COL25A1: variants seen among roughly 807,000 people sequenced by gnomAD.
The protein encoded by COL25A1 is collagen alpha-1(XXV) chain.
Under a neutral mutation model 128.4 loss-of-function variants are expected in COL25A1, and 103 were observed. The observed-to-expected ratio is 0.80, with a 90% CI of 0.68 to 0.94. The LOEUF (loss-of-function observed/expected upper bound fraction) is 0.94. Among genes scored for constraint, COL25A1 ranks in the 40% least tolerant of loss-of-function variants. COL25A1 has a pLI of 0.00. For missense variants in COL25A1, 745 were observed against 840.0 expected (o/e 0.89, Z 1.40); for synonymous variants, 279 against 277.2 (o/e 1.01, Z -0.06).
chr4:108,982,922 G>C (rs905293091), intron 6 of COL25A1, among the ~76,000 whole-genome samples: 1 of 152,142 alleles, frequency 6.6e-6, no homozygotes, highest in Non-Finnish European at 1.5e-5. Context: ...CAATTAGTGG[G>C]TCTAGCACTA....
rs143084484 is a variant in COL25A1, at chr4:108,868,913, GAA to G, written c.1083+173_1083+174del. 4.8e-3 allele frequency among the ~76,000 whole-genome samples: 627 copies of G among 129,342 alleles called. 11 individuals carry two copies. The East Asian group carries it at 0.065, about 13-fold the overall frequency. 84.9% of individuals were successfully genotyped at this position (129,342 alleles called of 152,430 possible). On this transcript the variant is annotated intron_variant, in intron 20 of 37. Transcript: ENST00000399132. ...AGATGGAAGGAAAGAGAAAAAGAAA[GAA>G]AGAGAAAGAAAAGAAGGAAGGAAAG...
At chr4:108,834,317 C>T (rs1733520870) in intron 31 of COL25A1, 24 of 1,547,862 alleles carry the variant, frequency 1.6e-5, no homozygotes, top group Non-Finnish European at 1.9e-5. Flanking sequence ...GATTCACAGC[C>T]ACAAAACATG....
chr4:109,130,272 T>C (rs1769057053), intron 3 of COL25A1, among the ~76,000 whole-genome samples: 1 of 152,200 alleles, frequency 6.6e-6, no homozygotes. Context: ...TATTATATAG[T>C]GCTCTACATT....
At chr4:109,181,242 G>C (rs887121327) in intron 3 of COL25A1, among the ~76,000 whole-genome samples, 1 of 152,102 alleles carries the variant, frequency 6.6e-6, no homozygotes, top group African/African-American at 2.4e-5. Context: ...TTGAGGATCT[G>C]AAAAAGCTAT....
chr4:109,226,129 CAG>C (rs1778789863), intron 3 of COL25A1, among the ~76,000 whole-genome samples: 1 of 151,790 alleles, frequency 6.6e-6, no homozygotes, highest in African/African-American at 2.4e-5. Flanking sequence ...AAGTCAGAAA[CAG>C]AAATTCAAAA....
intron 3 of COL25A1, among the ~76,000 whole-genome samples, chr4:109,294,670 T>C (rs565309146): frequency 6.6e-6 from 1 of 152,268 alleles, no homozygotes; most frequent in Non-Finnish European, 1.5e-5. Context: ...GACTCATACA[T>C]TGTTTTCACA....
chr4:108,831,402 T>C (rs1248472021), intron 32 of COL25A1, among the ~76,000 whole-genome samples: 1 of 152,134 alleles, frequency 6.6e-6, no homozygotes, highest in Non-Finnish European at 1.5e-5. Context: ...AACACAGAAT[T>C]ATGGAATTGG....
chr4:109,249,622 T>C (rs1780515047), intron 3 of COL25A1, among the ~76,000 whole-genome samples: 1 of 152,206 alleles, frequency 6.6e-6, no homozygotes, highest in South Asian at 2.1e-4. Flanking sequence ...AATCTTTGCA[T>C]CTATTAAAGA....
intron 3 of COL25A1, among the ~76,000 whole-genome samples, chr4:109,236,938 G>T (rs1034474169): frequency 6.6e-6 from 1 of 151,804 alleles, no homozygotes; most frequent in Non-Finnish European, 1.5e-5. Context: ...AAATTTCTAG[G>T]AACATTGTTA....
chr4:108,837,977 A>C (rs1734002281), intron 31 of COL25A1: 1 of 748,152 alleles, frequency 1.3e-6, no homozygotes, highest in Non-Finnish European at 2.3e-6. Context: ...GCTCTAATAT[A>C]ATATGTTTTC....
intron 5 of COL25A1, among the ~76,000 whole-genome samples, chr4:109,019,115 C>T (rs888485833): frequency 2.6e-5 from 4 of 151,886 alleles, no homozygotes; most frequent in African/African-American, 9.7e-5. Context: ...ATCTGGTGGG[C>T]ACAATCTAAT....
intron 3 of COL25A1, among the ~76,000 whole-genome samples, chr4:109,246,231 C>T (rs911017609): frequency 6.6e-5 from 10 of 151,988 alleles, no homozygotes; most frequent in South Asian, 2.1e-4. Flanking sequence ...CAAGGTATTA[C>T]ATGTAAGTGC....
chr4:108,963,845 T>C (rs1751003315), intron 8 of COL25A1, among the ~76,000 whole-genome samples: 1 of 151,494 alleles, frequency 6.6e-6, no homozygotes, highest in African/African-American at 2.4e-5. Context: ...AAATATGTCA[T>C]TCTACTTAAT....
intron 13 of COL25A1, among the ~76,000 whole-genome samples, chr4:108,903,270 C>G (rs116325334): frequency 1.3e-3 from 199 of 151,992 alleles, no homozygotes; most frequent in African/African-American, 4.3e-3. Context: ...CCTGTAATCC[C>G]CATCACTCTA....
chr4:109,214,231 A>G (rs2033755743), intron 3 of COL25A1, among the ~76,000 whole-genome samples: 1 of 152,194 alleles, frequency 6.6e-6, no homozygotes, highest in Admixed American at 6.6e-5. Flanking sequence ...ATTAAAAAAA[A>G]GTAACAGAAA....
At chr4:108,818,022 C>T (rs945636590) in intron 36 of COL25A1, among the ~76,000 whole-genome samples, 1 of 152,002 alleles carries the variant, frequency 6.6e-6, no homozygotes, top group Non-Finnish European at 1.5e-5. Context: ...CAGCATTTAT[C>T]GATTTCTCTA....
At chr4:108,984,437 G>A (rs181118037) in intron 6 of COL25A1, among the ~76,000 whole-genome samples, 24 of 152,218 alleles carry the variant, frequency 1.6e-4, no homozygotes, top group Admixed American at 1.2e-3. Context: ...GCCCTAGAGC[G>A]GGGGCGGCGC....
chr4:108,985,511 G>A (rs186721718), intron 6 of COL25A1, among the ~76,000 whole-genome samples: 21 of 152,216 alleles, frequency 1.4e-4, no homozygotes, highest in Middle Eastern at 3.4e-3. Flanking sequence ...ATATTTTTAC[G>A]GTCTGTTTTG....
At chr4:109,048,201 A>AGG in intron 4 of COL25A1, 26 bp from the exon 5 acceptor site, 1 of 1,567,054 alleles carries the variant, frequency 6.4e-7, no homozygotes, top group Non-Finnish European at 8.7e-7. Flanking sequence ...GTGGAGAGAG[A>AGG]AGAGAGAGAG....
Sources: gnomAD v4.1 joint callset for allele counts (sites outside exome capture counted in the v4.1 genomes callset) on GRCh38, gnomAD v4.1.1 for gene constraint, MANE v1.5 for transcripts, NCBI Gene and HGNC (gene_info 2026-07-23, HGNC 2026-07-21) for gene names.